DLC1: variants seen among roughly 807,000 people sequenced by gnomAD.
DLC1 encodes rho GTPase-activating protein 7.
In DLC1, 54 loss-of-function variants were observed where a neutral mutation model predicts 140.3. That is an observed-to-expected ratio of 0.38 (90% CI 0.31 to 0.48). The LOEUF (loss-of-function observed/expected upper bound fraction) is 0.48, where lower values mean the gene tolerates loss of function less well. DLC1 is among the 20% of genes least tolerant of loss of function. DLC1 has a pLI of 0.96. For missense variants in DLC1, 2,536 were observed against 1,907.0 expected (o/e 1.33, Z -6.14); for synonymous variants, 986 against 728.1 (o/e 1.35, Z -5.70).
chr8:13,579,358 T>TATAAAATAC (rs1804979409), intron 1 of DLC1, among the ~76,000 whole-genome samples: 2 of 41,654 alleles, frequency 4.8e-5, no homozygotes, highest in African/African-American at 1.4e-4. Flanking sequence ...TATATATATA[T>TATAAAATAC]ATATTTTTAT....
chr8:13,385,133 G>C (rs1836460267), intron 4 of DLC1, among the ~76,000 whole-genome samples: 1 of 151,962 alleles, frequency 6.6e-6, no homozygotes, highest in Non-Finnish European at 1.5e-5. Flanking sequence ...TGATTTATTT[G>C]GTTATTAGTG....
intron 4 of DLC1, among the ~76,000 whole-genome samples, chr8:13,357,396 G>C (rs137901535): frequency 6.6e-6 from 1 of 152,324 alleles, no homozygotes; most frequent in Non-Finnish European, 1.5e-5. Context: ...ATTTACCCCA[G>C]TTTGACTTCT....
chr8:13,345,119 T>A (rs1586174148), intron 4 of DLC1, among the ~76,000 whole-genome samples: 1 of 152,246 alleles, frequency 6.6e-6, no homozygotes, highest in East Asian at 1.9e-4. Flanking sequence ...TGTAATACTT[T>A]GGGTGGAGAC....
At chr8:13,438,297 T>G (rs892138761) in intron 2 of DLC1, among the ~76,000 whole-genome samples, 1 of 152,204 alleles carries the variant, frequency 6.6e-6, no homozygotes, top group Admixed American at 6.5e-5. Flanking sequence ...TGCTTTGTCT[T>G]ATGGCCCTTG....
intron 4 of DLC1, among the ~76,000 whole-genome samples, chr8:13,357,714 C>A (rs73203985): frequency 0.14 from 21,984 of 152,164 alleles, 1,811 homozygotes; most frequent in South Asian, 0.2. Flanking sequence ...AGGTTTTCTT[C>A]CTTGAGAATT....
At chr8:13,407,238 G>A (rs1374360413) in intron 2 of DLC1, among the ~76,000 whole-genome samples, 1 of 152,188 alleles carries the variant, frequency 6.6e-6, no homozygotes, top group African/African-American at 2.4e-5. Context: ...CTCTTTGATT[G>A]CAGTGGTATC....
At chr8:13,577,962 G>A (rs1436112691) in intron 1 of DLC1, among the ~76,000 whole-genome samples, 1 of 151,862 alleles carries the variant, frequency 6.6e-6, no homozygotes, top group African/African-American at 2.4e-5. Context: ...AAGGGTGGAA[G>A]CATGAATGTT....
In DLC1 at chr8:13,083,732, C is replaced by CA. The variant is rs1817331054; in HGVS notation, c.*2078dup. Reference sequence around the variant, plus strand: ...AGAATCTCCGTGCTTCCTGAACCTTCACCAGGGTTTCCTGTTTGGGAGTGG... The same window carrying CA: ...AGAATCTCCGTGCTTCCTGAACCTTCAACCAGGGTTTCCTGTTTGGGAGTGG... On this transcript the variant is annotated 3_prime_UTR_variant, in exon 18 of 18. Coordinates refer to ENST00000276297, the MANE Select transcript of DLC1 (RefSeq NM_182643.3). 6.6e-6 allele frequency: 1 copy of CA among 152,654 alleles called. No individual in the cohort carries two copies. The highest frequency in any genetic ancestry group is 2.4e-5 in the African/African-American group (1 of 41,448). The allele number at this position is 152,654 out of a possible 1,614,324, so 9.5% of individuals were successfully genotyped here.
intron 14 of DLC1, 70 bp downstream of exon 14, chr8:13,091,248 G>A: frequency 6.7e-7 from 1 of 1,495,648 alleles, no homozygotes; most frequent in Non-Finnish European, 9.3e-7. Context: ...CATGAACAAG[G>A]GTCAAGCCTA....
chr8:13,231,009 G>A (rs151217641), intron 5 of DLC1, among the ~76,000 whole-genome samples: 3 of 152,178 alleles, frequency 2.0e-5, no homozygotes, highest in Non-Finnish European at 4.4e-5. Context: ...AGGGAATGGC[G>A]GGTAACTGTG....
chr8:13,119,398 T>A (rs764602535), intron 5 of DLC1, among the ~76,000 whole-genome samples: 1 of 152,154 alleles, frequency 6.6e-6, no homozygotes, highest in African/African-American at 2.4e-5. Context: ...TGGCCTGAAA[T>A]GCTGAAGATG....
At chr8:13,393,835 G>A (rs1450243549) in intron 3 of DLC1, 142 bp from the exon 4 acceptor site, 23 of 942,516 alleles carry the variant, frequency 2.4e-5, no homozygotes, top group African/African-American at 9.9e-5. Flanking sequence ...TGACAGTGAC[G>A]TGTCACACAT....
chr8:13,294,710 G>C (rs1202990071), intron 5 of DLC1, among the ~76,000 whole-genome samples: 2 of 152,166 alleles, frequency 1.3e-5, no homozygotes, highest in Non-Finnish European at 2.9e-5. Context: ...TTATTCATCA[G>C]CCTGAGAAGT....
chr8:13,472,830 T>A (rs1371463907), intron 2 of DLC1, among the ~76,000 whole-genome samples: 1 of 152,244 alleles, frequency 6.6e-6, no homozygotes, highest in African/African-American at 2.4e-5. Context: ...TGTGTAAGTA[T>A]ATAGCCATTA....
intron 1 of DLC1, among the ~76,000 whole-genome samples, chr8:13,529,392 A>G (rs1332511367): frequency 6.6e-6 from 1 of 152,188 alleles, no homozygotes; most frequent in Non-Finnish European, 1.5e-5. Context: ...AGTACAAGTC[A>G]TTTCAACATT....
chr8:13,207,846 G>A (rs1323423171), intron 5 of DLC1, among the ~76,000 whole-genome samples: 1 of 152,138 alleles, frequency 6.6e-6, no homozygotes, highest in Non-Finnish European at 1.5e-5. Context: ...AAACGTCAAT[G>A]GTGCCGGGGT....
In DLC1 at chr8:13,176,140, G is replaced by A. The variant is rs530674349; in HGVS notation, c.1349-60483C>T. Among the ~76,000 whole-genome samples the A allele has an allele frequency of 3.9e-5, 6 of 152,190 alleles. No homozygotes were observed. The South Asian group carries it at 1.2e-3, about 32-fold the overall frequency. On this transcript the variant is annotated intron_variant, in intron 5 of 17. Transcript: ENST00000276297. ...TTTCAGAAACATAAAATATATTATA[G>A]TCAGGTCAGGACCTGGTTTGATTTT...
intron 4 of DLC1, among the ~76,000 whole-genome samples, chr8:13,376,006 G>A (rs1243799347): frequency 6.6e-6 from 1 of 152,138 alleles, no homozygotes; most frequent in African/African-American, 2.4e-5. Context: ...ATTTTCACAT[G>A]CACGAACCGA....
chr8:13,506,023 T>G (rs138066785), intron 1 of DLC1, among the ~76,000 whole-genome samples: 53 of 152,324 alleles, frequency 3.5e-4, no homozygotes, highest in African/African-American at 1.3e-3. Context: ...GTATCTTATT[T>G]TGTCCTTTGA....
Sources: gnomAD v4.1 joint callset for allele counts (sites outside exome capture counted in the v4.1 genomes callset) on GRCh38, gnomAD v4.1.1 for gene constraint, MANE v1.5 for transcripts, NCBI Gene and HGNC (gene_info 2026-07-23, HGNC 2026-07-21) for gene names.